The following NCKAP5 variants were observed in gnomAD, a reference collection of about 807,000 sequenced individuals.
The protein encoded by NCKAP5 is NCK associated protein 5, also known as nck-associated protein 5.
NCKAP5 carries 92 observed loss-of-function variants against 167.0 expected under a neutral mutation model. The observed-to-expected ratio is 0.55, with a 90% CI of 0.47 to 0.66. The LOEUF (loss-of-function observed/expected upper bound fraction) is 0.66, where lower values mean the gene tolerates loss of function less well. Ranked by LOEUF, NCKAP5 falls within the 30% of genes least tolerant of loss-of-function variation. The pLI is 0.00. For synonymous variants in NCKAP5, 891 were observed against 877.4 expected, an observed-to-expected ratio of 1.02 and a Z score of -0.27; for missense variants, 2,378 against 2,315.0, an observed-to-expected ratio of 1.03 and a Z score of -0.56.
the NCKAP5 span, among the ~76,000 whole-genome samples, chr2:133,652,669 C>T: frequency 6.6e-6 from 1 of 152,212 alleles, no homozygotes; most frequent in Non-Finnish European, 1.5e-5. Context: ...TTTACAAAAA[C>T]TACTGGGGGA....
At chr2:133,116,097 G>T (rs962449686) in intron 6 of NCKAP5, among the ~76,000 whole-genome samples, 2 of 151,730 alleles carry the variant, frequency 1.3e-5, no homozygotes, top group African/African-American at 4.8e-5. Flanking sequence ...CTGGAAAAGG[G>T]CATATTGATA....
At chr2:133,592,735 C>G in the NCKAP5 span, among the ~76,000 whole-genome samples, 1 of 152,170 alleles carries the variant, frequency 6.6e-6, no homozygotes, top group Non-Finnish European at 1.5e-5. Context: ...ACACTTTTGC[C>G]TTTATGAAAG....
intron 3 of NCKAP5, among the ~76,000 whole-genome samples, chr2:133,393,049 G>A (rs1397813530): frequency 2.6e-5 from 4 of 152,200 alleles, no homozygotes; most frequent in Non-Finnish European, 4.4e-5. Flanking sequence ...CTGGTTTGCT[G>A]AATCAAGAGC....
chr2:133,524,732 T>C (rs1047236763), intron 2 of NCKAP5, among the ~76,000 whole-genome samples: 48 of 152,324 alleles, frequency 3.2e-4, no homozygotes, highest in Admixed American at 3.1e-3. Context: ...ATTTATTAAG[T>C]CCATAGAAAG....
chr2:133,528,848 C>T (rs913972596), intron 2 of NCKAP5, among the ~76,000 whole-genome samples: 1 of 152,198 alleles, frequency 6.6e-6, no homozygotes, highest in African/African-American at 2.4e-5. Flanking sequence ...CTAGGGCTTG[C>T]CCATCTCTTC....
chr2:132,803,726 C>A (rs1348046284), intron 11 of NCKAP5, among the ~76,000 whole-genome samples: 1 of 152,192 alleles, frequency 6.6e-6, no homozygotes, highest in Non-Finnish European at 1.5e-5. Context: ...TAAAGAGCCT[C>A]AGCTCTAATT....
intron 6 of NCKAP5, among the ~76,000 whole-genome samples, chr2:133,103,109 G>C (rs1438891011): frequency 6.6e-6 from 1 of 152,108 alleles, no homozygotes; most frequent in Non-Finnish European, 1.5e-5. Context: ...CTTTCCCTTA[G>C]CAATCTCATT....
chr2:133,056,549 T>C (rs1240926606), intron 6 of NCKAP5, among the ~76,000 whole-genome samples: 1 of 152,226 alleles, frequency 6.6e-6, no homozygotes, highest in Non-Finnish European at 1.5e-5. Flanking sequence ...AGGAGACCTG[T>C]GCCAATTACA....
At chr2:132,952,343 C>T (rs1481084506) in intron 8 of NCKAP5, among the ~76,000 whole-genome samples, 1 of 152,130 alleles carries the variant, frequency 6.6e-6, no homozygotes, top group East Asian at 1.9e-4. Flanking sequence ...TGCAAAGTAA[C>T]ATATTTATGC....
chr2:132,725,595 C>G (rs1383733165), intron 19 of NCKAP5, 32 bp downstream of exon 19: 2 of 1,588,802 alleles, frequency 1.3e-6, no homozygotes, highest in Middle Eastern at 1.7e-4. Flanking sequence ...GAGAGAGGAA[C>G]CTGCAGGGCC....
chr2:132,703,598 G>A (rs929057413), intron 19 of NCKAP5, among the ~76,000 whole-genome samples: 3 of 152,160 alleles, frequency 2.0e-5, no homozygotes, highest in Non-Finnish European at 4.4e-5. Context: ...GATGGCTGAC[G>A]TTGAAGACTT....
chr2:133,075,395 T>C (rs1326182888), intron 6 of NCKAP5, among the ~76,000 whole-genome samples: 2 of 152,178 alleles, frequency 1.3e-5, no homozygotes, highest in Non-Finnish European at 2.9e-5. Flanking sequence ...CAGAGAAAAC[T>C]GTGGAACTTC....
At chr2:132,746,068 C>T (rs776065231) in intron 16 of NCKAP5, among the ~76,000 whole-genome samples, 33 of 151,630 alleles carry the variant, frequency 2.2e-4, no homozygotes, top group Non-Finnish European at 3.5e-4. Flanking sequence ...TAAAAAAAGA[C>T]GTTGACACAT....
intron 7 of NCKAP5, among the ~76,000 whole-genome samples, chr2:132,990,536 A>C (rs942402006): frequency 2.0e-5 from 3 of 152,144 alleles, no homozygotes; most frequent in Admixed American, 6.6e-5. Flanking sequence ...TGCAAAAGGG[A>C]CTTTTGCAGA....
chr2:133,269,204 G>A (rs2089396044), intron 4 of NCKAP5, among the ~76,000 whole-genome samples: 1 of 152,126 alleles, frequency 6.6e-6, no homozygotes, highest in African/African-American at 2.4e-5. Flanking sequence ...CAATCACTAT[G>A]TGTCAGTGTT....
chr2:133,448,727 C>A (rs1045079381), intron 3 of NCKAP5, among the ~76,000 whole-genome samples: 1 of 152,020 alleles, frequency 6.6e-6, no homozygotes, highest in African/African-American at 2.4e-5. Context: ...ACAGCCTTGA[C>A]CCCCCAGGCT....
rs554661943 is a variant in NCKAP5 at position 133,195,969 on chromosome 2, G to A, written c.207+17747C>T. The stretch of plus-strand genomic sequence containing the variant: ...ATTGAAACCCAGGAATGGATTCCCC[G>A]GCCACCCAGCACCCACAAGGAAATA... On this transcript the variant is annotated intron_variant, in intron 5 of 19. Coordinates refer to ENST00000409261, the MANE Select transcript of NCKAP5 (RefSeq NM_207363.3). Among the ~76,000 whole-genome samples the A allele has an allele frequency of 6.7e-4, 102 of 152,126 alleles. No individual in the cohort carries two copies. In the South Asian group the frequency reaches 0.02, roughly 29 times the overall value.
intron 6 of NCKAP5, among the ~76,000 whole-genome samples, chr2:133,059,081 C>T (rs983787997): frequency 7.2e-5 from 11 of 151,878 alleles, no homozygotes; most frequent in East Asian, 3.9e-4. Flanking sequence ...GGGCAGATCA[C>T]GAGGTCAGGA....
intron 3 of NCKAP5, among the ~76,000 whole-genome samples, chr2:133,337,688 C>CT (rs1187437093): frequency 6.6e-6 from 1 of 152,166 alleles, no homozygotes; most frequent in African/African-American, 2.4e-5. Flanking sequence ...CCATCTGAAG[C>CT]TAAGGAGAGG....
Sources: gnomAD v4.1 joint callset for allele counts (sites outside exome capture counted in the v4.1 genomes callset) on GRCh38, gnomAD v4.1.1 for gene constraint, MANE v1.5 for transcripts, NCBI Gene and HGNC (gene_info 2026-07-23, HGNC 2026-07-21) for gene names.